The following DPP10 variants were observed in gnomAD, a reference collection of about 807,000 sequenced individuals.
The protein encoded by DPP10 is inactive dipeptidyl peptidase 10.
A neutral mutation model predicts 120.9 loss-of-function variants in DPP10; 33 were observed. The observed-to-expected ratio is 0.27, with a 90% confidence interval of 0.21 to 0.37. The LOEUF is 0.37. Among genes scored for constraint, DPP10 ranks in the 10% least tolerant of loss-of-function variants. DPP10 has a pLI of 1.00. For missense variants in DPP10, 816 were observed against 942.8 expected (o/e 0.87, Z 1.76); for synonymous variants, 337 against 326.1 (o/e 1.03, Z -0.36).
intron 1 of DPP10, among the ~76,000 whole-genome samples, chr2:115,003,452 G>A (rs184730087): frequency 3.0e-3 from 452 of 151,772 alleles, no homozygotes; most frequent in Middle Eastern, 0.01. Flanking sequence ...ATATATACAC[G>A]AAACCCCCAT....
chr2:114,815,680 A>G (rs1157651854), intron 1 of DPP10, among the ~76,000 whole-genome samples: 1 of 152,176 alleles, frequency 6.6e-6, no homozygotes, highest in Non-Finnish European at 1.5e-5. Flanking sequence ...TTCAGGGAAT[A>G]CACTGTCTTT....
intron 3 of DPP10, among the ~76,000 whole-genome samples, chr2:115,413,695 CAA>C (rs1462237267): frequency 1.3e-5 from 2 of 152,230 alleles, no homozygotes; most frequent in Admixed American, 1.3e-4. Flanking sequence ...ATTAGGCAAG[CAA>C]AAATACAGTT....
intron 1 of DPP10, among the ~76,000 whole-genome samples, chr2:114,473,890 CTTAT>C (rs1200144189): frequency 6.6e-6 from 1 of 152,134 alleles, no homozygotes; most frequent in African/African-American, 2.4e-5. Flanking sequence ...CATACACACA[CTTAT>C]ATACATTTGG....
At chr2:115,287,239 G>A (rs1040254353) in intron 1 of DPP10, among the ~76,000 whole-genome samples, 3 of 151,890 alleles carry the variant, frequency 2.0e-5, no homozygotes, top group Non-Finnish European at 4.4e-5. Context: ...AGTAATAGTC[G>A]AGTCATTTGA....
chr2:115,089,143 A>C (rs1876863), intron 1 of DPP10, among the ~76,000 whole-genome samples: 133,041 of 152,068 alleles, frequency 0.87, 59,184 homozygotes, highest in East Asian at 0.99. Flanking sequence ...TTCCTCTTTT[A>C]TCCATTTCTC....
chr2:115,788,651 A>G (rs2149899289), intron 17 of DPP10, among the ~76,000 whole-genome samples: 1 of 152,336 alleles, frequency 6.6e-6, no homozygotes, highest in East Asian at 1.9e-4. Context: ...TGAAATGGAA[A>G]AATTCCTTAA....
chr2:114,824,621 T>TA (rs1686370054), intron 1 of DPP10, among the ~76,000 whole-genome samples: 1 of 152,134 alleles, frequency 6.6e-6, no homozygotes. Context: ...TTTTTTTTTT[T>TA]ATTTTAAGAT....
intron 1 of DPP10, among the ~76,000 whole-genome samples, chr2:114,782,851 G>T (rs955397160): frequency 6.6e-6 from 1 of 152,052 alleles, no homozygotes; most frequent in Non-Finnish European, 1.5e-5. Flanking sequence ...GCAGTGAAAA[G>T]AACAGAGTGA....
chr2:115,073,836 G>A (rs539941719), intron 1 of DPP10, among the ~76,000 whole-genome samples: 12 of 152,260 alleles, frequency 7.9e-5, no homozygotes, highest in East Asian at 7.7e-4. Flanking sequence ...CTCAGTGTGC[G>A]TTAATTTCTT....
chr2:115,281,460 A>G (rs2060153940), intron 1 of DPP10, among the ~76,000 whole-genome samples: 1 of 152,164 alleles, frequency 6.6e-6, no homozygotes, highest in Non-Finnish European at 1.5e-5. Flanking sequence ...TTGGTAATAG[A>G]TGCCAGGTGC....
chr2:114,958,179 G>A (rs1698349036), intron 1 of DPP10, among the ~76,000 whole-genome samples: 1 of 152,120 alleles, frequency 6.6e-6, no homozygotes, highest in Admixed American at 6.5e-5. Flanking sequence ...AGAAACAGCT[G>A]GATTGGTTAC....
chr2:115,137,485 G>C (rs1294446233), intron 1 of DPP10, among the ~76,000 whole-genome samples: 2 of 152,210 alleles, frequency 1.3e-5, no homozygotes, highest in Non-Finnish European at 2.9e-5. Flanking sequence ...GCGACATAGG[G>C]AGAGAAATGC....
At chr2:114,562,635 C>T (rs2104952954) in intron 1 of DPP10, among the ~76,000 whole-genome samples, 1 of 152,202 alleles carries the variant, frequency 6.6e-6, no homozygotes, top group East Asian at 1.9e-4. Flanking sequence ...ACAAATGGTA[C>T]AACATTGTAA....
At chr2:115,373,503 A>G (rs1403088960) in intron 3 of DPP10, among the ~76,000 whole-genome samples, 1 of 55,810 alleles carries the variant, frequency 1.8e-5, no homozygotes, top group African/African-American at 5.1e-5. Context: ...GGGGAAAGAA[A>G]TCTGAGCATA....
intron 5 of DPP10, among the ~76,000 whole-genome samples, chr2:115,540,364 T>C (rs1363438347): frequency 6.6e-6 from 1 of 151,892 alleles, no homozygotes; most frequent in Non-Finnish European, 1.5e-5. Flanking sequence ...ACTTAATCTG[T>C]GAGGTAAATC....
At chr2:114,653,773 A>G (rs149095514) in intron 1 of DPP10, among the ~76,000 whole-genome samples, 303 of 152,270 alleles carry the variant, frequency 2.0e-3, no homozygotes, top group African/African-American at 6.8e-3. Flanking sequence ...CTATTTGTGT[A>G]TAGGGTTGCA....
intron 1 of DPP10, among the ~76,000 whole-genome samples, chr2:114,774,592 G>T (rs138510848): frequency 4.7e-4 from 70 of 149,128 alleles, no homozygotes; most frequent in African/African-American, 1.7e-3. Flanking sequence ...TTTCAAAGTT[G>T]TGAGCGTATC....
In DPP10 at chr2:115,569,879, A is replaced by T. The variant is rs114104907; in HGVS notation, c.441+43907A>T. On this transcript the variant is annotated intron_variant, in intron 5 of 25. Coordinates refer to ENST00000410059, the MANE Select transcript of DPP10 (RefSeq NM_020868.6). ...CAAATGTGAACTAAAACTAATTTGA[A>T]ATAAAACACTAATAAAATGCTAATT... 2.9e-3 allele frequency among the ~76,000 whole-genome samples: 446 copies of T among 152,360 alleles called. 2 individuals carry two copies. The highest frequency in any genetic ancestry group is 0.01 in the African/African-American group (427 of 41,584).
At chr2:114,833,414 A>G (rs1687318811) in intron 1 of DPP10, 1 of 152,106 alleles carries the variant, frequency 6.6e-6, no homozygotes, top group Admixed American at 6.6e-5. Context: ...ATAATATTTT[A>G]TCTCATTAAA....
Sources: allele counts gnomAD v4.1 joint callset (sites outside exome capture counted in the v4.1 genomes callset), GRCh38; gene constraint gnomAD v4.1.1; transcripts MANE v1.5; gene names NCBI Gene and HGNC (gene_info 2026-07-23, HGNC 2026-07-21).